Variants in ZNF469 observed in about 807,000 individuals in gnomAD.
ZNF469 encodes zinc finger protein 469.
ZNF469 carries 1 observed loss-of-function variant against 1.0 expected under a neutral mutation model. That is an observed-to-expected ratio of 1.00 (90% CI 0.35 to 4.73). The LOEUF (loss-of-function observed/expected upper bound fraction) is 4.73, where lower values mean the gene tolerates loss of function less well. Among genes scored for constraint, ZNF469 ranks in the 30% most tolerant of loss-of-function variants. The pLI is 0.16. For synonymous variants in ZNF469, 2,703 were observed against 2,363.4 expected, an observed-to-expected ratio of 1.14 and a Z score of -4.17; for missense variants, 6,100 against 5,356.3, an observed-to-expected ratio of 1.14 and a Z score of -4.33.
At chr16:88,425,304 T>G (rs527414730) in intron 2 of ZNF469, among the ~76,000 whole-genome samples, 16 of 152,278 alleles carry the variant, frequency 1.1e-4, no homozygotes, top group African/African-American at 3.6e-4. Context: ...CATCACCTCC[T>G]GGAGGACTCT....
At chr16:88,283,010 T>A in the ZNF469 span, among the ~76,000 whole-genome samples, 48 of 152,264 alleles carry the variant, frequency 3.2e-4, no homozygotes, top group African/African-American at 1.0e-3. Context: ...CCTCCGGAGT[T>A]TGGCCAATGC....
Position 88,435,427 on chromosome 16 carries a change from G to A in ZNF469, c.7957G>A (p.Ala2653Thr), listed in dbSNP as rs772158825. 9 of 1,550,138 alleles carry A rather than the reference G, an allele frequency of 5.8e-6. No individual in the cohort carries two copies. The African/African-American group carries it at 9.6e-5, about 17-fold the overall frequency. Residue 2653 changes from alanine to threonine, a missense_variant, in exon 3 of 3, where the codon GCT becomes ACT. Ala to Thr is a moderately conservative substitution (Grantham distance 58, BLOSUM62 0). Transcript: ENST00000565624. ...LREESILPVS[A>T]DVISDGRGSR... ...GGAGGAGAGCATTCTTCCAGTCTCT[G>A]CTGATGTGATTTCAGATGGGCGCGG... is the stretch of plus-strand genomic sequence containing the variant.
the ZNF469 span, among the ~76,000 whole-genome samples, chr16:88,292,982 C>A: frequency 2.0e-5 from 3 of 152,168 alleles, no homozygotes; most frequent in Non-Finnish European, 4.4e-5. Context: ...CTTCCTCATC[C>A]TTCACACAGA....
chr16:88,438,187 G>A lies in ZNF469; in HGVS notation c.10717G>A (p.Gly3573Arg), dbSNP rs183149417. ...TGGCAGAGGAGACTGCGCGCTGGAC[G>A]GAGCCCTGGAGAGGCCAGAGAACGA... ...ADGRGDCALDGALERPENEAS... is the reference protein window; with the variant it reads ...ADGRGDCALDRALERPENEAS... Residue 3573 changes from glycine to arginine, a missense_variant, in exon 3 of 3, where the codon GGA (glycine) becomes AGA (arginine). Transcript: ENST00000565624. The A allele has an allele frequency of 3.5e-4, 546 of 1,547,560 alleles. 7 individuals carry two copies. In the East Asian group the frequency reaches 0.011, roughly 32 times the overall value.
chr16:88,374,839 G>A, the ZNF469 span, among the ~76,000 whole-genome samples: 42 of 152,246 alleles, frequency 2.8e-4, no homozygotes, highest in African/African-American at 7.7e-4. Flanking sequence ...GAGGCGTGCT[G>A]GTTTTGCTAG....
At chr16:88,384,679 C>T (rs759577967) in intron 1 of ZNF469, among the ~76,000 whole-genome samples, 3 of 152,190 alleles carry the variant, frequency 2.0e-5, no homozygotes, top group Non-Finnish European at 4.4e-5. Context: ...CCAGGGGCCC[C>T]GCAGAGTCTC....
Position 88,436,573 on chromosome 16 carries a change from A to G in ZNF469, c.9103A>G (p.Asn3035Asp). 1 of 1,542,268 alleles carries G rather than the reference A, an allele frequency of 6.5e-7. No homozygotes were observed. Among genetic ancestry groups the G allele is most frequent in the Non-Finnish European group, 8.8e-7 (1 of 1,141,550 alleles). ...ACGCTGTGACGGTGGGCTTCCCGGG[A>G]ACACCCACCTGCTGCCGCTCCGTGC... ...RERCDGGLPG[N>D]THLLPLRATD... The change falls in exon 3 of 3, where the codon AAC becomes GAC. Residue 3035 changes from asparagine to aspartate, a missense_variant. Asn to Asp is a conservative substitution (Grantham distance 23, BLOSUM62 1). Coordinates refer to ENST00000565624, the MANE Select transcript of ZNF469 (RefSeq NM_001367624.2).
At chr16:88,289,448 G>C in the ZNF469 span, among the ~76,000 whole-genome samples, 1 of 152,070 alleles carries the variant, frequency 6.6e-6, no homozygotes, top group African/African-American at 2.4e-5. Flanking sequence ...ATGATATGAT[G>C]ATGATGATTA....
At chr16:88,207,639 C>A in the ZNF469 span, among the ~76,000 whole-genome samples, 1 of 151,270 alleles carries the variant, frequency 6.6e-6, no homozygotes, top group African/African-American at 2.4e-5. Context: ...CTAGACATAA[C>A]CAAGGTGTCG....
chr16:88,293,696 G>A, the ZNF469 span, among the ~76,000 whole-genome samples: 3 of 152,140 alleles, frequency 2.0e-5, no homozygotes, highest in Non-Finnish European at 4.4e-5. Flanking sequence ...TAACCTTAAT[G>A]TCACCTCTTC....
chr16:88,340,098 A>G, the ZNF469 span, among the ~76,000 whole-genome samples: 1 of 152,246 alleles, frequency 6.6e-6, no homozygotes, highest in African/African-American at 2.4e-5. Context: ...GTGAGTCAGC[A>G]AGCAAACAGC....
the ZNF469 span, among the ~76,000 whole-genome samples, chr16:88,110,632 C>T: frequency 5.5e-3 from 835 of 152,386 alleles, 11 homozygotes; most frequent in African/African-American, 0.019. Context: ...CCAGCGTGGG[C>T]TGCTGTCCTG....
At chr16:88,366,355 A>T in the ZNF469 span, among the ~76,000 whole-genome samples, 1 of 151,254 alleles carries the variant, frequency 6.6e-6, no homozygotes, top group East Asian at 2.0e-4. Context: ...CATCATCATC[A>T]CCACCATCAC....
At chr16:88,239,666 TGTATATATATATATATATATATATATATA>T in the ZNF469 span, among the ~76,000 whole-genome samples, 1 of 40,588 alleles carries the variant, frequency 2.5e-5, no homozygotes, top group Non-Finnish European at 4.7e-5. Context: ...TTTTTTTTTT[TGTATATATATATATATATATATATATATA>T]TATATATATA....
the ZNF469 span, among the ~76,000 whole-genome samples, chr16:88,127,688 C>T: frequency 5.3e-5 from 8 of 152,172 alleles, no homozygotes; most frequent in East Asian, 1.9e-4. Flanking sequence ...CCTTGGGAGC[C>T]GCTGTGTGAG....
At chr16:88,185,359 A>AAC in the ZNF469 span, among the ~76,000 whole-genome samples, 64,896 of 151,088 alleles carry the variant, frequency 0.43, 14,419 homozygotes, top group African/African-American at 0.54. Context: ...TGCACACACA[A>AAC]ACATACCTAT....
chr16:88,198,091 A>T, the ZNF469 span, among the ~76,000 whole-genome samples: 9 of 152,246 alleles, frequency 5.9e-5, no homozygotes, highest in Admixed American at 4.6e-4. Context: ...TCATTTGCTC[A>T]TTCAAAAACT....
the ZNF469 span, among the ~76,000 whole-genome samples, chr16:88,139,946 A>C: frequency 9.2e-5 from 14 of 152,216 alleles, no homozygotes; most frequent in African/African-American, 3.4e-4. Context: ...CAACAGCATC[A>C]ACAACAAAAG....
the ZNF469 span, among the ~76,000 whole-genome samples, chr16:88,238,144 G>A: frequency 2.0e-5 from 3 of 152,210 alleles, no homozygotes; most frequent in Admixed American, 6.5e-5. Flanking sequence ...TCTGTGCTCC[G>A]CCCCTCCCAA....
Sources: allele counts gnomAD v4.1 joint callset (sites outside exome capture counted in the v4.1 genomes callset), GRCh38; gene constraint gnomAD v4.1.1; transcripts MANE v1.5; gene names NCBI Gene and HGNC (gene_info 2026-07-23, HGNC 2026-07-21).